The following ARHGAP26 variants were observed in gnomAD, a reference collection of about 807,000 sequenced individuals.
The protein encoded by ARHGAP26 is rho GTPase-activating protein 26.
A neutral mutation model predicts 104.8 loss-of-function variants in ARHGAP26; 38 were observed. The ratio of observed to expected loss-of-function variants is 0.36; its 90% CI spans 0.28 to 0.48. The LOEUF is 0.48. Ranked by LOEUF, ARHGAP26 falls within the 20% of genes least tolerant of loss-of-function variation. ARHGAP26 has a pLI of 0.99. For synonymous variants in ARHGAP26, 341 were observed against 340.0 expected (o/e 1.00, Z -0.03); for missense variants, 704 against 947.9 (o/e 0.74, Z 3.38).
chr5:142,944,195 TATACCTGCAC>T (rs1766782056), intron 11 of ARHGAP26, among the ~76,000 whole-genome samples: 1 of 152,256 alleles, frequency 6.6e-6, no homozygotes, highest in African/African-American at 2.4e-5. Flanking sequence ...TGTTTACTCC[TATACCTGCAC>T]ATCTAGAAAT....
At chr5:143,164,547 C>G (rs1005309336) in intron 20 of ARHGAP26, among the ~76,000 whole-genome samples, 1 of 152,178 alleles carries the variant, frequency 6.6e-6, no homozygotes, top group Non-Finnish European at 1.5e-5. Flanking sequence ...TTCTTTGCAT[C>G]CATGGCTGAT....
At chr5:142,991,491 A>T (rs113309292) in intron 11 of ARHGAP26, among the ~76,000 whole-genome samples, 1 of 151,960 alleles carries the variant, frequency 6.6e-6, no homozygotes, top group Non-Finnish European at 1.5e-5. Flanking sequence ...ACTGAGATGA[A>T]CCCACTACCT....
At chr5:142,927,092 A>G (rs906095876) in intron 10 of ARHGAP26, among the ~76,000 whole-genome samples, 1 of 152,188 alleles carries the variant, frequency 6.6e-6, no homozygotes, top group African/African-American at 2.4e-5. Flanking sequence ...TCTAGGAAGC[A>G]CTAGAATCAG....
At chr5:143,014,057 G>C in intron 11 of ARHGAP26, 23 bp from the exon 12 acceptor site, 1 of 1,613,492 alleles carries the variant, frequency 6.2e-7, no homozygotes, top group Non-Finnish European at 8.5e-7. Context: ...GCACATAAGT[G>C]AATTTTTATT....
chr5:142,771,290 AG>A, intron 1 of ARHGAP26: 1 of 1,239,414 alleles, frequency 8.1e-7, no homozygotes, highest in Non-Finnish European at 1.0e-6. Context: ...CAGCTCCCTT[AG>A]GGGCAGAGTT....
At chr5:142,855,700 GCCCTGGGTA>G (rs2152282917) in intron 1 of ARHGAP26, among the ~76,000 whole-genome samples, 1 of 152,280 alleles carries the variant, frequency 6.6e-6, no homozygotes, top group Admixed American at 6.5e-5. Context: ...ACTGTTCTCG[GCCCTGGGTA>G]CCCTGAGTAG....
intron 14 of ARHGAP26, among the ~76,000 whole-genome samples, chr5:143,051,707 C>G (rs575259835): frequency 6.6e-6 from 1 of 152,140 alleles, no homozygotes; most frequent in Non-Finnish European, 1.5e-5. Context: ...GCCCTTTAGC[C>G]GGGCTGTAAT....
At position 143,053,707 on chromosome 5, in the gene ARHGAP26, G is replaced by T. The variant is rs899583913; in HGVS notation, c.1286-732G>T. On this transcript the variant is annotated intron_variant, in intron 14 of 22. Transcript: ENST00000645722. ...ATATGGTGGTTCTCATTGCACATTT[G>T]AGCTTAAAGCAATTTTTTTAAAAAT... 3.3e-5 allele frequency among the ~76,000 whole-genome samples: 5 copies of T among 152,300 alleles called. No homozygotes were observed. The South Asian group carries it at 1.0e-3, about 32-fold the overall frequency.
chr5:143,066,167 T>C (rs1483387213), intron 17 of ARHGAP26, among the ~76,000 whole-genome samples: 3 of 152,254 alleles, frequency 2.0e-5, no homozygotes, highest in Non-Finnish European at 4.4e-5. Context: ...CTTCCCATTG[T>C]GTCACAGTTG....
At position 142,973,832 on chromosome 5, in the gene ARHGAP26, C is replaced by T. The variant is rs898561709; in HGVS notation, c.1108-40248C>T. Among the ~76,000 whole-genome samples, 20 of 149,694 alleles carry T rather than the reference C, an allele frequency of 1.3e-4. 1 individual carries two copies. Among genetic ancestry groups the T allele is most frequent in the Admixed American group, 4.0e-4 (6 of 15,082 alleles). On this transcript the variant is annotated intron_variant, in intron 11 of 22. Coordinates refer to ENST00000645722, the MANE Select transcript of ARHGAP26 (RefSeq NM_001135608.3). ...GCAACACAACCAGAAAAAGACTCTC[C>T]GTTGGTTTAGGGGGAGGTGGGTGGG...
At chr5:142,961,987 A>G (rs1598402452) in intron 11 of ARHGAP26, among the ~76,000 whole-genome samples, 1 of 152,210 alleles carries the variant, frequency 6.6e-6, no homozygotes, top group South Asian at 2.1e-4. Context: ...CCTAACCCTC[A>G]GCATTCCCAG....
rs1199020124 is a variant in ARHGAP26, at chr5:142,958,904, TA to T, written c.1107+26794del. On this transcript the variant is annotated intron_variant, in intron 11 of 22. Coordinates refer to ENST00000645722, the MANE Select transcript of ARHGAP26 (RefSeq NM_001135608.3). The stretch of plus-strand genomic sequence containing the variant: ...GATGACACAGTGAGACGCTGTCTCT[TA>T]AAAAAAAAAAAAAAGAAAAAAAAAA... 4.4e-3 allele frequency among the ~76,000 whole-genome samples: 389 copies of T among 88,142 alleles called. 1 individual carries two copies. The highest frequency in any genetic ancestry group is 0.024 in the East Asian group (44 of 1,796). The allele number at this position is 88,142 out of a possible 152,430, so 57.8% of individuals were successfully genotyped here. A position where few individuals can be genotyped will look rare whatever the true frequency, so the allele number is the denominator to read the frequency against.
At chr5:142,882,817 G>A (rs1757191473) in intron 4 of ARHGAP26, among the ~76,000 whole-genome samples, 1 of 152,184 alleles carries the variant, frequency 6.6e-6, no homozygotes, top group Non-Finnish European at 1.5e-5. Context: ...TGAGCTGAAA[G>A]AAGAAACCCG....
At chr5:142,800,278 T>C (rs1761808763) in intron 1 of ARHGAP26, among the ~76,000 whole-genome samples, 1 of 152,090 alleles carries the variant, frequency 6.6e-6, no homozygotes, top group African/African-American at 2.4e-5. Flanking sequence ...TAGTGACTCA[T>C]TGGAGTCCTT....
intron 17 of ARHGAP26, among the ~76,000 whole-genome samples, chr5:143,059,491 G>A (rs1014298475): frequency 4.6e-5 from 7 of 152,126 alleles, no homozygotes; most frequent in Admixed American, 4.6e-4. Flanking sequence ...AACCCTTAAG[G>A]TAGATCTTGA....
intron 17 of ARHGAP26, among the ~76,000 whole-genome samples, chr5:143,105,378 AAAATAAATAAATAAAT>A (rs34365485): frequency 1.4e-4 from 20 of 140,464 alleles, no homozygotes; most frequent in South Asian, 6.9e-4. Context: ...CTCCATCTCA[AAAATAAATAAATAAAT>A]AAATAAATAA....
intron 1 of ARHGAP26, among the ~76,000 whole-genome samples, chr5:142,839,022 TA>T (rs1770186371): frequency 6.6e-6 from 1 of 152,190 alleles, no homozygotes; most frequent in Admixed American, 6.5e-5. Flanking sequence ...TTGATGTGGT[TA>T]AAAAAAGTAC....
At chr5:143,136,516 C>G (rs1209108427) in intron 19 of ARHGAP26, among the ~76,000 whole-genome samples, 1 of 152,170 alleles carries the variant, frequency 6.6e-6, no homozygotes, top group East Asian at 1.9e-4. Context: ...TGTTCTTTAA[C>G]TGCAATTTAT....
intron 11 of ARHGAP26, among the ~76,000 whole-genome samples, chr5:142,963,886 T>A: frequency 6.6e-6 from 1 of 152,212 alleles, no homozygotes. Context: ...ATCAGAAATT[T>A]AACAGAGTGG....
Sources: allele counts gnomAD v4.1 joint callset (sites outside exome capture counted in the v4.1 genomes callset), GRCh38; gene constraint gnomAD v4.1.1; transcripts MANE v1.5; gene names NCBI Gene and HGNC (gene_info 2026-07-23, HGNC 2026-07-21).